PIAS4: variants seen among roughly 807,000 people sequenced by gnomAD.
The protein encoded by PIAS4 is protein inhibitor of activated STAT 4.
A neutral mutation model predicts 58.0 loss-of-function variants in PIAS4; 7 were observed. The observed-to-expected ratio is 0.12, with a 90% CI of 0.07 to 0.23. PIAS4 has a LOEUF of 0.23. PIAS4 is among the 10% of genes least tolerant of loss of function. PIAS4 has a pLI of 1.00. For synonymous variants in PIAS4, 364 were observed against 312.4 expected (o/e 1.17, Z -1.74); for missense variants, 550 against 709.5 (o/e 0.78, Z 2.55).
chr19:4,024,220 C>A, intron 3 of PIAS4, 100 bp downstream of exon 3: 4 of 864,268 alleles, frequency 4.6e-6, no homozygotes, highest in Non-Finnish European at 5.8e-6. Context: ...CTGCAGGCCT[C>A]GCTCGGGCTC....
chr19:4,030,679 C>T (rs143112795), intron 7 of PIAS4, among the ~76,000 whole-genome samples: 5 of 152,206 alleles, frequency 3.3e-5, no homozygotes, highest in East Asian at 1.9e-4. Flanking sequence ...CAAGCAGCCA[C>T]GCAGCACAAA....
intron 7 of PIAS4, among the ~76,000 whole-genome samples, chr19:4,030,182 T>TAA (rs2040210139): frequency 7.0e-6 from 1 of 142,038 alleles, no homozygotes; most frequent in Non-Finnish European, 1.6e-5. Flanking sequence ...AGGCTGGTCG[T>TAA]AAACTCCTGA....
intron 9 of PIAS4, among the ~76,000 whole-genome samples, chr19:4,035,976 T>TAACACACACACCCGCACACATC (rs2040275685): frequency 5.1e-4 from 1 of 1,958 alleles, no homozygotes; most frequent in African/African-American, 1.2e-3. Flanking sequence ...GTCCACACCG[T>TAACACACACACCCGCACACATC]CATACACACA....
At chr19:4,014,649 A>G (rs1044167319) in intron 2 of PIAS4, among the ~76,000 whole-genome samples, 1 of 152,188 alleles carries the variant, frequency 6.6e-6, no homozygotes, top group African/African-American at 2.4e-5. Context: ...GCAGCAGGGA[A>G]CAGGACCAAG....
chr19:4,012,510 A>T (rs747821991), intron 1 of PIAS4, among the ~76,000 whole-genome samples: 5 of 152,082 alleles, frequency 3.3e-5, no homozygotes, highest in African/African-American at 4.8e-5. Flanking sequence ...CCAGTGCTTT[A>T]TGTCATTATC....
At position 4,038,331 on chromosome 19, in the gene PIAS4, G is replaced by A. The variant is rs917805493; in HGVS notation, c.*456G>A. On this transcript the variant is annotated 3_prime_UTR_variant, in exon 11 of 11. Coordinates refer to ENST00000262971, the MANE Select transcript of PIAS4 (RefSeq NM_015897.4). This position sits in a 1 kb window ranked among gnomAD's most constrained non-coding sequence, Gnocchi z 4.1. ...GCCCCTCTCTGGCGACCACTTTGACGTTTGTCTCTTCCTTTGCTTTTTCTC... is the reference window on the plus strand; with the variant it reads ...GCCCCTCTCTGGCGACCACTTTGACATTTGTCTCTTCCTTTGCTTTTTCTC... The A allele has an allele frequency of 2.6e-5, 4 of 152,554 alleles. No individual in the cohort carries two copies. The highest frequency in any genetic ancestry group is 6.5e-5 in the Admixed American group (1 of 15,272). The allele number at this position is 152,554 out of a possible 1,614,324, so 9.5% of individuals were successfully genotyped here.
At chr19:4,027,229 C>A (rs918043989) in intron 3 of PIAS4, among the ~76,000 whole-genome samples, 2 of 152,134 alleles carry the variant, frequency 1.3e-5, no homozygotes, top group Non-Finnish European at 2.9e-5. Flanking sequence ...CTCAAGTGAC[C>A]CACCCACCTC....
At chr19:4,021,880 G>C (rs184094249) in intron 2 of PIAS4, among the ~76,000 whole-genome samples, 83 of 151,126 alleles carry the variant, frequency 5.5e-4, no homozygotes, top group African/African-American at 1.8e-3. Context: ...AAAGTAGCTG[G>C]GACTACAGGT....
At position 4,033,566 on chromosome 19, in the gene PIAS4, G is replaced by A. The variant is rs956825360; in HGVS notation, c.1128G>A (p.Gln376=). 6.2e-7 allele frequency: 1 copy of A among 1,607,446 alleles called. No individual in the cohort carries two copies. The highest frequency in any genetic ancestry group is 8.5e-7 in the Non-Finnish European group (1 of 1,178,048). ...PVCDKPAPYD[Q]LIIDGLLSKI... ...GCGACAAGCCAGCCCCCTACGACCA[G>A]CTCATCATCGACGGGTGAGCCCGGG... The change falls in exon 9 of 11, where the codon CAG becomes CAA. Residue 376 remains glutamine, a synonymous_variant. Transcript: ENST00000262971.
At position 4,038,845 on chromosome 19, in the gene PIAS4, T is replaced by A. The variant is rs1054440153; in HGVS notation, c.*970T>A. Reference sequence around the variant, plus strand: ...GGTTGATTCCTCTCCTTTTTGCTCTTGGTTTTCCGACGGGTACGAGGCTGG... The same window carrying A: ...GGTTGATTCCTCTCCTTTTTGCTCTAGGTTTTCCGACGGGTACGAGGCTGG... On this transcript the variant is annotated 3_prime_UTR_variant, in exon 11 of 11. Transcript: ENST00000262971. The surrounding 1 kb of genome is among the most constrained non-coding windows in gnomAD (Gnocchi z 4.1). The A allele has an allele frequency of 6.5e-6, 1 of 152,948 alleles. No individual in the cohort carries two copies. Among genetic ancestry groups the A allele is most frequent in the African/African-American group, 2.4e-5 (1 of 41,422 alleles). 9.5% of individuals were successfully genotyped at this position (152,948 alleles called of 1,614,324 possible).
chr19:4,033,228 C>A (rs545260924), intron 8 of PIAS4, 55 bp downstream of exon 8: 161 of 1,539,274 alleles, frequency 1.0e-4, no homozygotes, highest in Non-Finnish European at 1.1e-4. Flanking sequence ...GGCCTTCCCC[C>A]CTGGCGGCCC....
chr19:4,035,665 G>C (rs1259133049), intron 9 of PIAS4, among the ~76,000 whole-genome samples: 1 of 148,484 alleles, frequency 6.7e-6, no homozygotes, highest in East Asian at 2.0e-4. Context: ...CCTGTTTCCT[G>C]ATCTGGCGGG....
intron 2 of PIAS4, among the ~76,000 whole-genome samples, chr19:4,019,710 C>T (rs1010041765): frequency 6.6e-6 from 1 of 152,148 alleles, no homozygotes; most frequent in African/African-American, 2.4e-5. Context: ...AGGGCCCAGC[C>T]GGGACTCCAC....
At chr19:4,036,210 G>T (rs1216654406) in intron 9 of PIAS4, among the ~76,000 whole-genome samples, 1 of 104,352 alleles carries the variant, frequency 9.6e-6, no homozygotes, top group African/African-American at 3.1e-5. Flanking sequence ...CATCCATACA[G>T]TCCACACTGT....
intron 2 of PIAS4, among the ~76,000 whole-genome samples, chr19:4,022,473 TC>T (rs2144920377): frequency 6.6e-6 from 1 of 151,960 alleles, no homozygotes; most frequent in African/African-American, 2.4e-5. Context: ...TTCGCGCCAT[TC>T]TCCTGCCTCA....
At chr19:4,015,355 G>GTGC (rs1401629137) in intron 2 of PIAS4, among the ~76,000 whole-genome samples, 1 of 152,122 alleles carries the variant, frequency 6.6e-6, no homozygotes, top group Non-Finnish European at 1.5e-5. Context: ...ATACATCGCT[G>GTGC]TGCCCTGAGC....
intron 2 of PIAS4, among the ~76,000 whole-genome samples, chr19:4,022,089 A>T (rs1376690989): frequency 2.0e-5 from 3 of 152,072 alleles, no homozygotes; most frequent in Non-Finnish European, 4.4e-5. Flanking sequence ...TATGGATCCA[A>T]CTTCCTTAAC....
At chr19:4,034,141 T>A (rs1483930644) in intron 9 of PIAS4, among the ~76,000 whole-genome samples, 1 of 152,198 alleles carries the variant, frequency 6.6e-6, no homozygotes, top group Non-Finnish European at 1.5e-5. Context: ...AGCCCCGTTG[T>A]CTGTGGTGCC....
chr19:4,015,974 C>T (rs927887295), intron 2 of PIAS4, among the ~76,000 whole-genome samples: 7 of 152,304 alleles, frequency 4.6e-5, no homozygotes, highest in African/African-American at 1.2e-4. Context: ...TGGGAGGTGC[C>T]GTGTGTGGGG....
Sources: gnomAD v4.1 joint callset for allele counts (sites outside exome capture counted in the v4.1 genomes callset) on GRCh38, gnomAD v4.1.1 for gene constraint, Gnocchi (gnomAD v3.1) non-coding constraint, MANE v1.5 for transcripts, NCBI Gene and HGNC (gene_info 2026-07-23, HGNC 2026-07-21) for gene names.